CEP350: variants seen among roughly 807,000 people sequenced by gnomAD.
CEP350 encodes centrosomal protein 350.
CEP350 carries 126 observed loss-of-function variants against 331.8 expected under a neutral mutation model. The ratio of observed to expected loss-of-function variants is 0.38; its 90% confidence interval spans 0.33 to 0.44. The LOEUF (loss-of-function observed/expected upper bound fraction) is 0.44. CEP350 is among the 20% of genes least tolerant of loss of function. The pLI is 1.00. For missense variants in CEP350, 3,406 were observed against 3,634.6 expected (o/e 0.94, Z 1.62); for synonymous variants, 1,200 against 1,259.5 (o/e 0.95, Z 1.00).
chr1:180,071,251 AGTT>A (rs1658872112), intron 27 of CEP350, among the ~76,000 whole-genome samples: 2 of 150,760 alleles, frequency 1.3e-5, no homozygotes, highest in African/African-American at 4.9e-5. Context: ...TGAGGTCAGG[AGTT>A]GAAGACCAGC....
At chr1:180,090,557 A>AAAAAAAAAAAAAAAAAAAAAAAAAAG (rs1660126484) in intron 32 of CEP350, among the ~76,000 whole-genome samples, 157 bp from the exon 33 acceptor site, 5 of 92,258 alleles carry the variant, frequency 5.4e-5, no homozygotes, top group Non-Finnish European at 1.1e-4. Flanking sequence ...AAAAAAAAAA[A>AAAAAAAAAAAAAAAAAAAAAAAAAAG]AAAAAAAAAA....
At chr1:180,049,424 A>G (rs1657336873) in intron 22 of CEP350, among the ~76,000 whole-genome samples, 1 of 152,182 alleles carries the variant, frequency 6.6e-6, no homozygotes, top group Admixed American at 6.5e-5. Flanking sequence ...TTTAAACAAT[A>G]TTGAATTACT....
intron 27 of CEP350, among the ~76,000 whole-genome samples, chr1:180,074,437 G>T (rs1659093808): frequency 6.6e-6 from 1 of 151,790 alleles, no homozygotes; most frequent in Non-Finnish European, 1.5e-5. Flanking sequence ...TTCTCTCCAT[G>T]AAAAAAAAGA....
Position 180,099,850 on chromosome 1 carries a change from A to G in CEP350, c.9189+865A>G, listed in dbSNP as rs61826355. Among the ~76,000 whole-genome samples the G allele has an allele frequency of 9.9e-3, 1,491 of 149,862 alleles. 14 individuals are homozygous for G. Among genetic ancestry groups the G allele is most frequent in the Middle Eastern group, 0.024 (7 of 288 alleles). ...ACCCTGGCTGGAGTGTGGTGGCACA[A>G]TCTCTGCTCACTGCAGCCTCTGCCT... On this transcript the variant is annotated intron_variant, in intron 37 of 37. Coordinates refer to ENST00000367607, the MANE Select transcript of CEP350 (RefSeq NM_014810.5).
intron 1 of CEP350, among the ~76,000 whole-genome samples, chr1:179,983,722 C>T (rs984194679): frequency 1.1e-4 from 17 of 152,026 alleles, no homozygotes; most frequent in African/African-American, 3.6e-4. Context: ...TTCAACATAC[C>T]GTACTGCCTC....
chr1:180,104,611 A>G (rs1661040244), intron 37 of CEP350, among the ~76,000 whole-genome samples: 1 of 152,134 alleles, frequency 6.6e-6, no homozygotes, highest in Admixed American at 6.5e-5. Flanking sequence ...ACTTATTAAC[A>G]TTGTGATTTT....
intron 14 of CEP350, among the ~76,000 whole-genome samples, chr1:180,024,816 C>T (rs945018015): frequency 6.6e-6 from 1 of 151,884 alleles, no homozygotes; most frequent in African/African-American, 2.4e-5. Flanking sequence ...TAGAGATAAA[C>T]ACTCTTCAAA....
chr1:179,979,601 T>C (rs1412654085), intron 1 of CEP350, among the ~76,000 whole-genome samples: 1 of 152,056 alleles, frequency 6.6e-6, no homozygotes, highest in Non-Finnish European at 1.5e-5. Flanking sequence ...TTTGGGGGTC[T>C]TGTTCATAAA....
chr1:179,991,263 A>T (rs1443182925), intron 4 of CEP350, among the ~76,000 whole-genome samples: 1 of 150,836 alleles, frequency 6.6e-6, no homozygotes, highest in Non-Finnish European at 1.5e-5. Flanking sequence ...ATACAATGCA[A>T]ATTTTTCTTG....
chr1:180,109,247 G>A (rs1661341887), intron 37 of CEP350, among the ~76,000 whole-genome samples: 1 of 150,886 alleles, frequency 6.6e-6, no homozygotes, highest in Non-Finnish European at 1.5e-5. Context: ...GCCTCTCTGA[G>A]TAGCTGCGAT....
chr1:180,032,328 A>G (rs1039138036), intron 15 of CEP350, among the ~76,000 whole-genome samples: 8 of 152,100 alleles, frequency 5.3e-5, no homozygotes, highest in Admixed American at 4.6e-4. Flanking sequence ...TAGTGCTTTC[A>G]TGTTACAAAT....
At chr1:180,026,561 CCTT>C (rs1401874309) in intron 14 of CEP350, among the ~76,000 whole-genome samples, 2 of 152,198 alleles carry the variant, frequency 1.3e-5, no homozygotes, top group Non-Finnish European at 2.9e-5. Flanking sequence ...TCACCACTGT[CCTT>C]CTCCAGAAAT....
chr1:180,068,064 TCAC>T (rs1259859665), intron 27 of CEP350, among the ~76,000 whole-genome samples: 3 of 152,242 alleles, frequency 2.0e-5, no homozygotes, highest in Non-Finnish European at 4.4e-5. Flanking sequence ...TTGTTATAAA[TCAC>T]CAAAGAGTAG....
chr1:179,981,556 A>T (rs1652271598), intron 1 of CEP350, among the ~76,000 whole-genome samples: 1 of 152,214 alleles, frequency 6.6e-6, no homozygotes, highest in Non-Finnish European at 1.5e-5. Context: ...ATGGTGATTT[A>T]AAAAATGTAT....
At chr1:179,995,606 AAATC>A (rs914903926) in intron 5 of CEP350, among the ~76,000 whole-genome samples, 4 of 152,194 alleles carry the variant, frequency 2.6e-5, no homozygotes, top group Non-Finnish European at 4.4e-5. Context: ...TCCTTCTCAA[AAATC>A]AATCAATCAA....
Position 180,041,227 on chromosome 1 carries a change from A to C in CEP350, c.4200A>C (p.Glu1400Asp). The C allele has an allele frequency of 6.3e-7, 1 of 1,591,518 alleles. No homozygotes were observed. ...TGGAGAGTCAGAGACAATTAGAAGA[A>C]ACCCGAAACAAAGCAGCTCAGGTAA... ...EALESQRQLE[E>D]TRNKAAQVHA... Residue 1400 changes from glutamate to aspartate, a missense_variant, in exon 18 of 38, where the codon GAA becomes GAC. Physicochemically the swap from Glu to Asp is conservative, Grantham distance 45 (BLOSUM62 2). Around this residue, in one of 5 missense-constraint regions of CEP350, gnomAD observed 1,857 missense variants for 1,909.2 expected, o/e 0.97. Transcript: ENST00000367607.
intron 8 of CEP350, among the ~76,000 whole-genome samples, chr1:180,007,080 G>A (rs1169094470): frequency 1.3e-5 from 2 of 152,180 alleles, no homozygotes; most frequent in Non-Finnish European, 2.9e-5. Context: ...ATGTGTGCAT[G>A]TGTCTTTATA....
intron 27 of CEP350, among the ~76,000 whole-genome samples, chr1:180,072,062 C>G (rs1658927057): frequency 6.6e-6 from 1 of 152,070 alleles, no homozygotes; most frequent in Admixed American, 6.6e-5. Context: ...TTCATCTCAA[C>G]TTTATTCAAC....
At chr1:180,058,289 T>G (rs1192210289) in intron 25 of CEP350, among the ~76,000 whole-genome samples, 1 of 152,260 alleles carries the variant, frequency 6.6e-6, no homozygotes, top group Non-Finnish European at 1.5e-5. Context: ...GAAATGATAG[T>G]AATTTTCTTT....
Sources: gnomAD v4.1 joint callset for allele counts (sites outside exome capture counted in the v4.1 genomes callset) on GRCh38, gnomAD v4.1.1 for gene constraint, gnomAD v4.1.1 regional missense constraint, MANE v1.5 for transcripts, NCBI Gene and HGNC (gene_info 2026-07-23, HGNC 2026-07-21) for gene names.